Variants in B3GAT2 observed in about 807,000 individuals in gnomAD.
The protein encoded by B3GAT2 is galactosylgalactosylxylosylprotein 3-beta-glucuronosyltransferase 2.
In B3GAT2, 26 loss-of-function variants were observed where a neutral mutation model predicts 27.8. The observed-to-expected ratio is 0.93, with a 90% CI of 0.68 to 1.30. The LOEUF is 1.30. B3GAT2 is among the 50% of genes most tolerant of loss of function. B3GAT2 has a pLI of 0.00. For missense variants in B3GAT2, 458 were observed against 459.0 expected, an observed-to-expected ratio of 1.00 and a Z score of 0.02; for synonymous variants, 218 against 195.1, an observed-to-expected ratio of 1.12 and a Z score of -0.98.
chr6:70,863,656 C>G (rs1426645277), intron 2 of B3GAT2, among the ~76,000 whole-genome samples: 1 of 152,088 alleles, frequency 6.6e-6, no homozygotes, highest in East Asian at 1.9e-4. Context: ...AGAAGTGTAA[C>G]ACTTCAACTC....
intron 1 of B3GAT2, among the ~76,000 whole-genome samples, chr6:70,935,782 C>G (rs572880310): frequency 6.6e-4 from 100 of 152,300 alleles, no homozygotes; most frequent in African/African-American, 2.1e-3. Flanking sequence ...CAACCGGTAC[C>G]AGCCACTGCA....
chr6:70,933,467 A>C (rs1773091810), intron 1 of B3GAT2, among the ~76,000 whole-genome samples: 1 of 152,226 alleles, frequency 6.6e-6, no homozygotes. Context: ...TACTCTGATG[A>C]CTGTCATCAG....
chr6:70,907,943 G>A (rs1562225630), intron 1 of B3GAT2, among the ~76,000 whole-genome samples: 1 of 152,152 alleles, frequency 6.6e-6, no homozygotes, highest in Non-Finnish European at 1.5e-5. Context: ...AGTTTGAGTT[G>A]GGGTTTTTGT....
At chr6:70,937,092 T>C (rs962087855) in intron 1 of B3GAT2, among the ~76,000 whole-genome samples, 3 of 151,960 alleles carry the variant, frequency 2.0e-5, no homozygotes, top group Non-Finnish European at 4.4e-5. Flanking sequence ...CCCACAGAAA[T>C]AGAAACTACC....
chr6:70,857,095 T>C lies in B3GAT2; in HGVS notation c.*4568A>G, dbSNP rs193231413. On this transcript the variant is annotated 3_prime_UTR_variant, in exon 4 of 4. Transcript: ENST00000230053. ...AAGTACATCCTTTGTAATTATATAA[T>C]AAGATCAATTATATATCTTTTATTG... The C allele has an allele frequency of 6.8e-5, 96 of 1,414,042 alleles. No homozygotes were observed. Among genetic ancestry groups the C allele is most frequent in the Non-Finnish European group, 8.3e-5 (88 of 1,056,080 alleles). 87.6% of individuals were successfully genotyped at this position (1,414,042 alleles called of 1,614,324 possible). A position where few individuals can be genotyped will look rare whatever the true frequency, so the allele number is the denominator to read the frequency against.
At chr6:70,883,509 T>C (rs1772132127) in intron 2 of B3GAT2, among the ~76,000 whole-genome samples, 2 of 149,560 alleles carry the variant, frequency 1.3e-5, no homozygotes, top group Non-Finnish European at 3.0e-5. Flanking sequence ...ATGAGGTACC[T>C]AGAATAGTCT....
chr6:70,951,939 G>A lies in B3GAT2; in HGVS notation c.591+3900C>T, dbSNP rs1243594715. On this transcript the variant is annotated intron_variant, in intron 1 of 3. Coordinates refer to ENST00000230053, the MANE Select transcript of B3GAT2 (RefSeq NM_080742.3). The stretch of plus-strand genomic sequence containing the variant: ...AAGAATTACCCTAAATAAAGTAAAT[G>A]TACCAAGGGTAAAAGGTAAATCTCA... Among the ~76,000 whole-genome samples the A allele has an allele frequency of 3.3e-5, 5 of 152,014 alleles. 1 individual carries two copies. The South Asian group carries it at 8.3e-4, about 25-fold the overall frequency.
At chr6:70,917,524 G>C (rs1582378968) in intron 1 of B3GAT2, among the ~76,000 whole-genome samples, 1 of 152,046 alleles carries the variant, frequency 6.6e-6, no homozygotes, top group African/African-American at 2.4e-5. Context: ...GTTTTCTCCT[G>C]TGGACACTTA....
rs1765663845 is a variant in B3GAT2 at position 70,956,697 on chromosome 6, G to A, written c.-268C>T. On this transcript the variant is annotated 5_prime_UTR_variant, in exon 1 of 4. Coordinates refer to ENST00000230053, the MANE Select transcript of B3GAT2 (RefSeq NM_080742.3). ...CTCCAGGTGAGCTGGCGGGAAGCGG[G>A]ACTCGGTCCAGCCGCGCGCCGCCGG... is the stretch of plus-strand genomic sequence containing the variant. 4.5e-6 allele frequency: 6 copies of A among 1,329,576 alleles called. No homozygotes were observed. The highest frequency in any genetic ancestry group is 2.9e-4 in the Middle Eastern group (1 of 3,424). The allele number at this position is 1,329,576 out of a possible 1,614,324, so 82.4% of individuals were successfully genotyped here.
chr6:70,927,253 A>C (rs1409640485), intron 1 of B3GAT2, among the ~76,000 whole-genome samples: 1 of 152,246 alleles, frequency 6.6e-6, no homozygotes, highest in Non-Finnish European at 1.5e-5. Context: ...CGATGCTATG[A>C]AGAAACTGCA....
intron 2 of B3GAT2, among the ~76,000 whole-genome samples, chr6:70,883,443 ATAT>A (rs1405216929): frequency 6.7e-6 from 1 of 149,906 alleles, no homozygotes. Context: ...AACCTTAAAG[ATAT>A]TATGCTCAAT....
intron 1 of B3GAT2, among the ~76,000 whole-genome samples, chr6:70,929,873 C>T (rs964115377): frequency 2.6e-5 from 4 of 152,094 alleles, no homozygotes; most frequent in African/African-American, 9.7e-5. Context: ...AAAAAAGAGC[C>T]CACATTGCCA....
chr6:70,873,561 T>C (rs1416622517), intron 2 of B3GAT2, among the ~76,000 whole-genome samples: 2 of 152,176 alleles, frequency 1.3e-5, no homozygotes, highest in African/African-American at 4.8e-5. Flanking sequence ...GAGTTTATCC[T>C]ACTTGGAATC....
In B3GAT2 at chr6:70,955,958, C is replaced by T. The variant is rs1765648208; in HGVS notation, c.472G>A (p.Glu158Lys). Residue 158 changes from glutamate to lysine, a missense_variant, in exon 1 of 4, where the codon GAG becomes AAG. By Grantham distance (56) the Glu-to-Lys change is moderately conservative. Coordinates refer to ENST00000230053, the MANE Select transcript of B3GAT2 (RefSeq NM_080742.3). ...YKRPGLPRAT[E>K]QRNAGLAWLR... ...CAGGCGAGGCCCGCGTTGCGCTGCT[C>T]AGTGGCGCGCGGCAGCCCGGGCCGC... 1 of 1,513,988 alleles carries T rather than the reference C, an allele frequency of 6.6e-7. No individual in the cohort carries two copies. Among genetic ancestry groups the T allele is most frequent in the Non-Finnish European group, 8.8e-7 (1 of 1,137,438 alleles). 93.8% of individuals were successfully genotyped at this position (1,513,988 alleles called of 1,614,324 possible). A position where few individuals can be genotyped will look rare whatever the true frequency, so the allele number is the denominator to read the frequency against.
chr6:70,862,064 CAGTTTTT>C, intron 2 of B3GAT2, 86 bp from the exon 3 acceptor site: 6 of 1,306,908 alleles, frequency 4.6e-6, no homozygotes, highest in Non-Finnish European at 6.2e-6. Flanking sequence ...CACATCAAAA[CAGTTTTT>C]AAAATACCTA....
At chr6:70,949,839 T>C (rs1385066957) in intron 1 of B3GAT2, among the ~76,000 whole-genome samples, 1 of 151,440 alleles carries the variant, frequency 6.6e-6, no homozygotes, top group Non-Finnish European at 1.5e-5. Context: ...ATTAAGAAAA[T>C]GTGGCATATA....
chr6:70,920,512 C>T (rs1772849740), intron 1 of B3GAT2, among the ~76,000 whole-genome samples: 1 of 152,204 alleles, frequency 6.6e-6, no homozygotes, highest in African/African-American at 2.4e-5. Flanking sequence ...ATTGATCTTG[C>T]TGGGAGCTGT....
At chr6:70,911,990 T>C (rs1229888791) in intron 1 of B3GAT2, among the ~76,000 whole-genome samples, 1 of 152,204 alleles carries the variant, frequency 6.6e-6, no homozygotes, top group African/African-American at 2.4e-5. Context: ...TTTTGCACAG[T>C]GATTTTGTAC....
chr6:70,881,418 T>C (rs1772097283), intron 2 of B3GAT2, among the ~76,000 whole-genome samples: 1 of 152,180 alleles, frequency 6.6e-6, no homozygotes, highest in African/African-American at 2.4e-5. Flanking sequence ...CTACTCATAT[T>C]TGCAAACAGA....
Sources: gnomAD v4.1 joint callset for allele counts (sites outside exome capture counted in the v4.1 genomes callset) on GRCh38, gnomAD v4.1.1 for gene constraint, MANE v1.5 for transcripts, NCBI Gene and HGNC (gene_info 2026-07-23, HGNC 2026-07-21) for gene names.